CGNL1: variants seen among roughly 807,000 people sequenced by gnomAD.
CGNL1 encodes the protein cingulin-like protein 1.
A neutral mutation model predicts 141.2 loss-of-function variants in CGNL1; 132 were observed. That is an observed-to-expected ratio of 0.93 (90% CI 0.81 to 1.08). The LOEUF is 1.08. Ranked by LOEUF, CGNL1 falls within the 50% of genes least tolerant of loss-of-function variation. CGNL1 has a pLI of 0.00. For synonymous variants in CGNL1, 690 were observed against 622.1 expected (o/e 1.11, Z -1.63); for missense variants, 1,870 against 1,588.6 (o/e 1.18, Z -3.01).
chr15:57,449,405 A>ATT (rs1335915737), intron 4 of CGNL1, among the ~76,000 whole-genome samples: 1 of 152,062 alleles, frequency 6.6e-6, no homozygotes, highest in African/African-American at 2.4e-5. Flanking sequence ...AACAAACCTT[A>ATT]TTTTTCAGAA....
chr15:57,438,881 G>A lies in CGNL1; in HGVS notation c.882G>A (p.Arg294=), dbSNP rs1257755423. 2 of 1,614,168 alleles carry A rather than the reference G, an allele frequency of 1.2e-6. No homozygotes were observed. The highest frequency in any genetic ancestry group is 1.7e-5 in the Admixed American group (1 of 60,028). The part of the protein sequence containing the change: ...AGPVLDGARS[R]RSSSSSTTPT... ...CCGTCCTGGATGGAGCTCGGTCCCG[G>A]AGGTCCTCCTCGTCATCCACAACTC... Residue 294 remains arginine (R), a synonymous_variant, in exon 2 of 19, where the codon CGG becomes CGA. Coordinates refer to ENST00000281282, the MANE Select transcript of CGNL1 (RefSeq NM_032866.5).
chr15:57,498,928 A>G (rs1333279998), intron 8 of CGNL1, among the ~76,000 whole-genome samples: 3 of 152,010 alleles, frequency 2.0e-5, no homozygotes, highest in African/African-American at 7.2e-5. Flanking sequence ...TGATACAGAC[A>G]TTGGGGACTG....
chr15:57,526,377 A>G (rs1311996184), intron 12 of CGNL1, among the ~76,000 whole-genome samples: 1 of 152,048 alleles, frequency 6.6e-6, no homozygotes, highest in African/African-American at 2.4e-5. Context: ...ACAAAAGTGA[A>G]TTAACAAGCC....
intron 8 of CGNL1, among the ~76,000 whole-genome samples, chr15:57,464,381 A>C (rs2063483329): frequency 6.6e-6 from 1 of 152,314 alleles, no homozygotes; most frequent in South Asian, 2.1e-4. Flanking sequence ...TTACAAAATA[A>C]ATAAAGAAAT....
At chr15:57,447,538 T>G (rs1291947277) in intron 4 of CGNL1, among the ~76,000 whole-genome samples, 1 of 152,232 alleles carries the variant, frequency 6.6e-6, no homozygotes, top group Non-Finnish European at 1.5e-5. Flanking sequence ...CTCTGGGTGC[T>G]TTTAATAATT....
At chr15:57,490,649 T>C (rs1421143468) in intron 8 of CGNL1, among the ~76,000 whole-genome samples, 2 of 152,200 alleles carry the variant, frequency 1.3e-5, no homozygotes, top group Non-Finnish European at 2.9e-5. Context: ...TTTAGATATA[T>C]TGCCTTCAAG....
chr15:57,475,197 A>G (rs2063636176), intron 8 of CGNL1, among the ~76,000 whole-genome samples: 1 of 152,118 alleles, frequency 6.6e-6, no homozygotes, highest in African/African-American at 2.4e-5. Flanking sequence ...GCTTCCCTTC[A>G]GTTACAGAGT....
intron 8 of CGNL1, among the ~76,000 whole-genome samples, chr15:57,493,822 T>C (rs535323029): frequency 2.6e-5 from 4 of 152,244 alleles, no homozygotes; most frequent in Non-Finnish European, 5.9e-5. Flanking sequence ...AGGTGCATAG[T>C]TACTTTCCAC....
rs1471266411 is a variant in CGNL1, at chr15:57,452,267, G to A, written c.2032G>A (p.Glu678Lys). Residue 678 changes from glutamate (E) to lysine (K), a missense_variant, in exon 6 of 19, where the codon GAG (glutamate) becomes AAG (lysine). Physicochemically the swap from Glu to Lys is moderately conservative, Grantham distance 56. Coordinates refer to ENST00000281282, the MANE Select transcript of CGNL1 (RefSeq NM_032866.5). ...LQQRLEESEG[E>K]LRKNLEELFQ... ...GCAACGACTGGAAGAAAGTGAAGGG[G>A]AGCTCCGGAAGAATCTGGAGGAGTA... The A allele has an allele frequency of 8.1e-6, 13 of 1,613,658 alleles. No individual in the cohort carries two copies. The African/African-American group carries it at 1.2e-4, about 15-fold the overall frequency.
rs149769808 is a variant in CGNL1, at chr15:57,546,197, A to T, written c.3731A>T (p.Glu1244Val). Residue 1244 changes from glutamate to valine, a missense_variant, in exon 18 of 19, where the codon GAG becomes GTG. Transcript: ENST00000281282. ...RELEEQMDMN[E>V]HLQGQLNSMK... ...CTGGAGGAGCAGATGGACATGAATG[A>T]GCATCTGCAGGGGCAGCTCAACTCC... 2 of 1,603,914 alleles carry T rather than the reference A, an allele frequency of 1.2e-6. No individual in the cohort carries two copies. The highest frequency in any genetic ancestry group is 2.7e-5 in the African/African-American group (2 of 74,816).
chr15:57,452,570 A>G (rs2063334558), intron 6 of CGNL1, among the ~76,000 whole-genome samples: 1 of 152,202 alleles, frequency 6.6e-6, no homozygotes. Flanking sequence ...AGTGGGAAGC[A>G]GGGAGCACTG....
chr15:57,439,274 C>A lies in CGNL1; in HGVS notation c.1275C>A (p.Cys425Ter), dbSNP rs746291161. ...SEHLLRPSQV[C>*]PQRPLSQERR... ...ACCTCCTCCGGCCTTCCCAGGTGTG[C>A]CCGCAGCGGCCACTGTCTCAGGAGC... Residue 425 changes from cysteine (C) to a stop codon, truncating the protein, a stop_gained, in exon 2 of 19, where the codon TGC becomes TGA. Coordinates refer to ENST00000281282, the MANE Select transcript of CGNL1 (RefSeq NM_032866.5). LOFTEE classifies it high-confidence loss of function. The A allele has an allele frequency of 3.1e-6, 5 of 1,614,038 alleles. No individual in the cohort carries two copies. The Admixed American group carries it at 5.0e-5, about 16-fold the overall frequency.
intron 1 of CGNL1, among the ~76,000 whole-genome samples, chr15:57,408,898 C>G (rs2062753293): frequency 6.6e-6 from 1 of 152,012 alleles, no homozygotes. Flanking sequence ...AAAAATTAGC[C>G]AGGCATGGTG....
In CGNL1 at chr15:57,453,676, C is replaced by A. The variant is rs1367686166; in HGVS notation, c.2055-7C>A. 1.9e-6 allele frequency: 3 copies of A among 1,613,438 alleles called. No homozygotes were observed. The Admixed American group carries it at 5.0e-5, about 27-fold the overall frequency. On this transcript the variant is annotated splice_region_variant and splice_polypyrimidine_tract_variant and intron_variant, in intron 6 of 18. Transcript: ENST00000281282. ...GAGCCTGTCTAATGGGCTTCCTTCC[C>A]TGCCAGGCTATTCCAGGTGAAGATG...
intron 10 of CGNL1, among the ~76,000 whole-genome samples, chr15:57,519,930 C>T (rs1358111300): frequency 3.3e-5 from 5 of 152,214 alleles, no homozygotes; most frequent in Admixed American, 6.5e-5. Context: ...TGGGTATCTG[C>T]GCTCATAGTG....
intron 12 of CGNL1, among the ~76,000 whole-genome samples, chr15:57,528,389 T>A (rs2031745697): frequency 6.6e-6 from 1 of 152,228 alleles, no homozygotes; most frequent in Non-Finnish European, 1.5e-5. Flanking sequence ...TTCTGTTCTA[T>A]TTAATTAAAA....
chr15:57,378,638 C>G (rs1019108291), intron 1 of CGNL1, among the ~76,000 whole-genome samples: 1 of 152,004 alleles, frequency 6.6e-6, no homozygotes, highest in Non-Finnish European at 1.5e-5. Flanking sequence ...CCACCTCGGC[C>G]TCTCAAAGTG....
intron 1 of CGNL1, among the ~76,000 whole-genome samples, chr15:57,382,538 C>G (rs1299129505): frequency 6.6e-6 from 1 of 152,178 alleles, no homozygotes; most frequent in Non-Finnish European, 1.5e-5. Context: ...TGTGTTAGGT[C>G]TGTAAAGCTC....
At chr15:57,418,019 G>A (rs1377733574) in intron 1 of CGNL1, among the ~76,000 whole-genome samples, 1 of 152,174 alleles carries the variant, frequency 6.6e-6, no homozygotes, top group Admixed American at 6.5e-5. Flanking sequence ...GTTGGTAGTA[G>A]AAGCAGCAGT....
Sources: gnomAD v4.1 joint callset for allele counts (sites outside exome capture counted in the v4.1 genomes callset) on GRCh38, gnomAD v4.1.1 for gene constraint, MANE v1.5 for transcripts, NCBI Gene and HGNC (gene_info 2026-07-23, HGNC 2026-07-21) for gene names.